The following STAU2 variants were observed in gnomAD, a reference collection of about 807,000 sequenced individuals.
STAU2 encodes double-stranded RNA-binding protein Staufen homolog 2.
A neutral mutation model predicts 65.9 loss-of-function variants in STAU2; 20 were observed. That is an observed-to-expected ratio of 0.30 (90% CI 0.21 to 0.44). The LOEUF (loss-of-function observed/expected upper bound fraction) is 0.44. Ranked by LOEUF, STAU2 falls within the 20% of genes least tolerant of loss-of-function variation. The pLI is 1.00. For missense variants in STAU2, 558 were observed against 683.9 expected, an observed-to-expected ratio of 0.82 and a Z score of 2.05; for synonymous variants, 232 against 233.9, an observed-to-expected ratio of 0.99 and a Z score of 0.07.
chr8:73,580,010 T>TGCC (rs1809866803), intron 12 of STAU2, among the ~76,000 whole-genome samples: 1 of 152,216 alleles, frequency 6.6e-6, no homozygotes, highest in Admixed American at 6.5e-5. Flanking sequence ...TGTCTACTTA[T>TGCC]AGTTAGGTGC....
At chr8:73,533,343 AAGACGGCTTTCT>A (rs1805951685) in intron 13 of STAU2, among the ~76,000 whole-genome samples, 1 of 152,240 alleles carries the variant, frequency 6.6e-6, no homozygotes, top group Admixed American at 6.5e-5. Flanking sequence ...TCAATTAAAT[AAGACGGCTTTCT>A]TTGAAATTTG....
intron 6 of STAU2, among the ~76,000 whole-genome samples, chr8:73,658,145 C>T (rs1368451809): frequency 7.9e-5 from 12 of 152,116 alleles, no homozygotes; most frequent in African/African-American, 2.9e-4. Flanking sequence ...GGGCGAATCA[C>T]CTGAGGTCAG....
chr8:73,477,772 T>C (rs1249411324), intron 13 of STAU2, among the ~76,000 whole-genome samples: 1 of 152,120 alleles, frequency 6.6e-6, no homozygotes, highest in Admixed American at 6.5e-5. Flanking sequence ...ACTGTCTAGG[T>C]TTCTGCATTA....
At chr8:73,630,788 C>T (rs1010102476) in intron 6 of STAU2, among the ~76,000 whole-genome samples, 1 of 152,082 alleles carries the variant, frequency 6.6e-6, no homozygotes, top group Non-Finnish European at 1.5e-5. Context: ...CCCAGGAAAT[C>T]ATAGTTGTTG....
chr8:73,675,838 G>A (rs1817999512), intron 5 of STAU2, among the ~76,000 whole-genome samples: 1 of 152,140 alleles, frequency 6.6e-6, no homozygotes, highest in South Asian at 2.1e-4. Flanking sequence ...AATCTGAAAT[G>A]GAGTCTGTGG....
rs867928318 is a variant in STAU2 at position 73,551,242 on chromosome 8, G to T, written c.1530+770C>A. 40 of 987,368 alleles carry T rather than the reference G, an allele frequency of 4.1e-5. 1 individual carries two copies. The highest frequency in any genetic ancestry group is 5.6e-4 in the Middle Eastern group (2 of 3,564). The allele number at this position is 987,368 out of a possible 1,614,324, so 61.2% of individuals were successfully genotyped here. A position where few individuals can be genotyped will look rare whatever the true frequency, so the allele number is the denominator to read the frequency against. On this transcript the variant is annotated intron_variant, in intron 13 of 14. Transcript: ENST00000524300. ...ATAAAGGAGTGCTGATTTTTGTGGG[G>T]TTTTTTCCCAGAAGGAAACAAAGAA...
intron 3 of STAU2, among the ~76,000 whole-genome samples, chr8:73,734,233 G>GT (rs11370206): frequency 0.59 from 77,702 of 131,372 alleles, 22,360 homozygotes; most frequent in Non-Finnish European, 0.67. Flanking sequence ...TTCAGGGTTT[G>GT]TTTTTTTTTT....
At chr8:73,733,849 G>A (rs1383407758) in intron 3 of STAU2, among the ~76,000 whole-genome samples, 1 of 152,010 alleles carries the variant, frequency 6.6e-6, no homozygotes, top group Admixed American at 6.6e-5. Flanking sequence ...TGTCTTTTTG[G>A]GAGCTATACA....
At chr8:73,687,353 A>ATATTTATATT (rs1394481197) in intron 5 of STAU2, among the ~76,000 whole-genome samples, 1 of 27,952 alleles carries the variant, frequency 3.6e-5, no homozygotes, top group African/African-American at 1.8e-4. Flanking sequence ...TTTATAATTT[A>ATATTTATATT]TATAATATAA....
intron 6 of STAU2, among the ~76,000 whole-genome samples, chr8:73,670,847 A>C (rs1011709202): frequency 2.0e-5 from 3 of 152,184 alleles, no homozygotes; most frequent in Non-Finnish European, 4.4e-5. Context: ...CAGGCATAAA[A>C]GAAGTGAGAG....
chr8:73,746,554 A>C (rs1167385959), intron 1 of STAU2, among the ~76,000 whole-genome samples: 6 of 97,376 alleles, frequency 6.2e-5, no homozygotes, highest in South Asian at 4.3e-4. Flanking sequence ...CCCCCACCCC[A>C]ATTCCTTCGC....
At chr8:73,667,677 AAACTT>A (rs1370977155) in intron 6 of STAU2, among the ~76,000 whole-genome samples, 2 of 152,174 alleles carry the variant, frequency 1.3e-5, no homozygotes, top group Admixed American at 6.5e-5. Flanking sequence ...CTCTTCTACT[AAACTT>A]AAGTCTATTA....
At chr8:73,675,183 C>A (rs537105324) in intron 5 of STAU2, among the ~76,000 whole-genome samples, 1 of 152,132 alleles carries the variant, frequency 6.6e-6, no homozygotes, top group South Asian at 2.1e-4. Context: ...AAATAACCTG[C>A]TCCTGAATGA....
chr8:73,524,633 GT>G (rs1027520846), intron 13 of STAU2, among the ~76,000 whole-genome samples: 1 of 152,056 alleles, frequency 6.6e-6, no homozygotes, highest in Non-Finnish European at 1.5e-5. Context: ...TCTTGCCTTT[GT>G]TTTCCACACA....
At chr8:73,514,319 A>C (rs1232287237) in intron 13 of STAU2, among the ~76,000 whole-genome samples, 1 of 152,196 alleles carries the variant, frequency 6.6e-6, no homozygotes, top group Non-Finnish European at 1.5e-5. Flanking sequence ...TCAGTTCTGC[A>C]TCTGGCTGCT....
chr8:73,433,371 A>G (rs1005145419), intron 13 of STAU2, among the ~76,000 whole-genome samples: 1 of 150,968 alleles, frequency 6.6e-6, no homozygotes, highest in African/African-American at 2.5e-5. Context: ...CACCCAGCTA[A>G]TTTTTTGTAT....
chr8:73,555,500 C>T (rs1432599715), intron 12 of STAU2, among the ~76,000 whole-genome samples: 3 of 151,820 alleles, frequency 2.0e-5, no homozygotes, highest in Non-Finnish European at 4.4e-5. Flanking sequence ...GTCCCATATC[C>T]CTGGATTCAA....
intron 13 of STAU2, among the ~76,000 whole-genome samples, chr8:73,481,134 G>A (rs1247716817): frequency 1.4e-5 from 2 of 145,172 alleles, no homozygotes; most frequent in African/African-American, 2.4e-5. Context: ...GAATCCTCCT[G>A]TCCAATTGCC....
chr8:73,726,888 A>C (rs192694439), intron 3 of STAU2, among the ~76,000 whole-genome samples: 6 of 152,294 alleles, frequency 3.9e-5, no homozygotes, highest in Admixed American at 3.3e-4. Flanking sequence ...TAAGCATTTT[A>C]ATATTTTATT....
Sources: gnomAD v4.1 joint callset for allele counts (sites outside exome capture counted in the v4.1 genomes callset) on GRCh38, gnomAD v4.1.1 for gene constraint, MANE v1.5 for transcripts, NCBI Gene and HGNC (gene_info 2026-07-23, HGNC 2026-07-21) for gene names.